Variants in TESK1 observed in about 807,000 individuals in gnomAD.
TESK1 encodes the protein testis associated actin remodelling kinase 1, also known as dual specificity testis-specific protein kinase 1.
In TESK1, 18 loss-of-function variants were observed where a neutral mutation model predicts 59.9. The observed-to-expected ratio is 0.30, with a 90% CI of 0.21 to 0.45. TESK1 has a LOEUF of 0.45. Ranked by LOEUF, TESK1 falls within the 20% of genes least tolerant of loss-of-function variation. The pLI is 1.00. For synonymous variants in TESK1, 341 were observed against 357.4 expected (o/e 0.95, Z 0.52); for missense variants, 748 against 840.9 (o/e 0.89, Z 1.37).
At position 35,609,223 on chromosome 9, in the gene TESK1, T is replaced by C. The variant is rs1433278516; in HGVS notation, c.1362T>C (p.Gly454=). 6.2e-7 allele frequency: 1 copy of C among 1,614,000 alleles called. No homozygotes were observed. Among genetic ancestry groups the C allele is most frequent in the South Asian group, 1.1e-5 (1 of 91,076 alleles). Reference sequence around the variant, plus strand: ...GCCGTATGGAGACAGCACTGCCAGGTCCTGGCCCTCCCGCTGTGGGCCCCT... The same window carrying C: ...GCCGTATGGAGACAGCACTGCCAGGCCCTGGCCCTCCCGCTGTGGGCCCCT... The part of the protein sequence containing the change: ...LPRRMETALP[G]PGPPAVGPSA... Residue 454 remains glycine (G), a synonymous_variant, in exon 10 of 10, where the codon GGT becomes GGC. Coordinates refer to ENST00000336395, the MANE Select transcript of TESK1 (RefSeq NM_006285.3). This position sits in a 1 kb window ranked among gnomAD's most constrained non-coding sequence, Gnocchi z 6.7.
Position 35,608,980 on chromosome 9 carries a change from C to G in TESK1, c.1119C>G (p.Asp373Glu), listed in dbSNP as rs530732591. The G allele has an allele frequency of 6.2e-7, 1 of 1,614,200 alleles. No individual in the cohort carries two copies. Among genetic ancestry groups the G allele is most frequent in the Non-Finnish European group, 8.5e-7 (1 of 1,180,026 alleles). The change falls in exon 10 of 10, where the codon GAC (aspartate) becomes GAG (glutamate). Residue 373 changes from aspartate (D) to glutamate (E), a missense_variant. This residue lies in a region of TESK1 where 447 missense variants were observed against 466.1 expected (regional missense o/e 0.96). Transcript: ENST00000336395. ...PSPESPPNWG[D>E]NLTRVNPFSL... Reference sequence around the variant, plus strand: ...CAGAATCACCCCCCAACTGGGGGGACAATCTGACTCGAGTCAACCCCTTCT... The same window carrying G: ...CAGAATCACCCCCCAACTGGGGGGAGAATCTGACTCGAGTCAACCCCTTCT...
chr9:35,606,915 C>G lies in TESK1; in HGVS notation c.469C>G (p.Leu157Val). The change falls in exon 4 of 10, where the codon CTG (leucine) becomes GTG (valine). Residue 157 changes from leucine to valine, a missense_variant. Physicochemically the swap from Leu to Val is conservative, Grantham distance 32. Transcript: ENST00000336395. Reference sequence around the variant, plus strand: ...CTGGCCGGTCAGGCTCCACCTGGCCCTGGACATTGCCCGAGGCCTGCGGTA... The same window carrying G: ...CTGGCCGGTCAGGCTCCACCTGGCCGTGGACATTGCCCGAGGCCTGCGGTA... ...LSWPVRLHLA[L>V]DIARGLRYLH... The G allele has an allele frequency of 6.2e-7, 1 of 1,613,804 alleles. No individual in the cohort carries two copies. Among genetic ancestry groups the G allele is most frequent in the South Asian group, 1.1e-5 (1 of 91,066 alleles).
At chr9:35,606,170 A>G in intron 2 of TESK1, 65 bp downstream of exon 2, 2 of 1,614,106 alleles carry the variant, frequency 1.2e-6, no homozygotes, top group Non-Finnish European at 1.7e-6. Context: ...CCCGCGGGAA[A>G]AGTGGAACTG....
At position 35,607,491 on chromosome 9, in the gene TESK1, T is replaced by C; in HGVS notation, c.620+82T>C. On this transcript the variant is annotated intron_variant, in intron 5 of 9. Transcript: ENST00000336395. This position sits in a 1 kb window ranked among gnomAD's most constrained non-coding sequence, Gnocchi z 4.5. ...CCCAGAGCCCCAGGGATGTTTCCCTTGGGGAACGGAGGGAGTTCACCTCAT... is the reference window on the plus strand; with the variant it reads ...CCCAGAGCCCCAGGGATGTTTCCCTCGGGGAACGGAGGGAGTTCACCTCAT... 3 of 1,587,558 alleles carry C rather than the reference T, an allele frequency of 1.9e-6. No individual in the cohort carries two copies. The highest frequency in any genetic ancestry group is 2.2e-5 in the East Asian group (1 of 44,702).
rs1181955199 is a variant in TESK1 at position 35,605,501 on chromosome 9, G to A, written c.-119G>A. On this transcript the variant is annotated 5_prime_UTR_variant, in exon 1 of 10. Transcript: ENST00000336395. Reference sequence around the variant, plus strand: ...TCTTCGGCGGATCTTCCATTCTCAGGGCGGGAGCCGGAGTCCGGGCGCCCG... The same window carrying A: ...TCTTCGGCGGATCTTCCATTCTCAGAGCGGGAGCCGGAGTCCGGGCGCCCG... The A allele has an allele frequency of 3.9e-6, 1 of 253,312 alleles. No individual in the cohort carries two copies. The highest frequency in any genetic ancestry group is 7.3e-6 in the Non-Finnish European group (1 of 137,420). 15.7% of individuals were successfully genotyped at this position (253,312 alleles called of 1,614,324 possible). A position where few individuals can be genotyped will look rare whatever the true frequency, so the allele number is the denominator to read the frequency against.
rs1197274704 is a variant in TESK1, at chr9:35,609,197, C to T, written c.1336C>T (p.Arg446Cys). The T allele has an allele frequency of 4.3e-6, 7 of 1,613,926 alleles. No individual in the cohort carries two copies. The highest frequency in any genetic ancestry group is 1.3e-5 in the African/African-American group (1 of 75,052). ...ACTACCCTCATCCCCCGAGCTCCCC[C>T]GCCGTATGGAGACAGCACTGCCAGG... is the stretch of plus-strand genomic sequence containing the variant. ...RSLPSSPELP[R>C]RMETALPGPG... The change falls in exon 10 of 10, where the codon CGC becomes TGC. Residue 446 changes from arginine (R) to cysteine (C), a missense_variant. Transcript: ENST00000336395. The surrounding 1 kb of genome is among the most constrained non-coding windows in gnomAD (Gnocchi z 6.7).
chr9:35,605,790 T>C lies in TESK1; in HGVS notation c.171T>C (p.Phe57=). 1.9e-6 allele frequency: 3 copies of C among 1,611,498 alleles called. No homozygotes were observed. Among genetic ancestry groups the C allele is most frequent in the Non-Finnish European group, 2.5e-6 (3 of 1,179,426 alleles). The change falls in exon 1 of 10, where the codon TTT becomes TTC. Residue 57 remains phenylalanine (F), a synonymous_variant. Coordinates refer to ENST00000336395, the MANE Select transcript of TESK1 (RefSeq NM_006285.3). ...CTAGCCTGGCGCGTGTGGACGATTTTCACTGCGCGGAGAAGATCGGGGCCG... is the reference window on the plus strand; with the variant it reads ...CTAGCCTGGCGCGTGTGGACGATTTCCACTGCGCGGAGAAGATCGGGGCCG... The part of the protein sequence containing the change: ...AVSSLARVDD[F]HCAEKIGAGF...
In TESK1 at chr9:35,607,386, G is replaced by A. The variant is rs1475200152; in HGVS notation, c.597G>A (p.Leu199=). The change falls in exon 5 of 10, where the codon CTG becomes CTA. Residue 199 remains leucine (L), a synonymous_variant. Transcript: ENST00000336395. This position sits in a 1 kb window ranked among gnomAD's most constrained non-coding sequence, Gnocchi z 4.5. The part of the protein sequence containing the change: ...GFTAVVGDFG[L]AEKIPVYREG... ...CCGCTGTCGTGGGTGACTTCGGGCT[G>A]GCCGAAAAGATTCCTGTGTATAGGT... 6.2e-7 allele frequency: 1 copy of A among 1,614,028 alleles called. No individual in the cohort carries two copies. The highest frequency in any genetic ancestry group is 8.5e-7 in the Non-Finnish European group (1 of 1,180,032).
rs1003682762 is a variant in TESK1, at chr9:35,608,237, C to A, written c.873C>A (p.Ile291=). 2 of 1,614,058 alleles carry A rather than the reference C, an allele frequency of 1.2e-6. No individual in the cohort carries two copies. Among genetic ancestry groups the A allele is most frequent in the Non-Finnish European group, 1.7e-6 (2 of 1,180,032 alleles). The change falls in exon 8 of 10, where the codon ATC becomes ATA. Residue 291 remains isoleucine (I), a synonymous_variant. Coordinates refer to ENST00000336395, the MANE Select transcript of TESK1 (RefSeq NM_006285.3). ...DCPLPFLLLA[I]HCCNLEPSTR... ...CACTGCCTTTCTTGCTCCTGGCCATCCACTGCTGCAACGTAAGAGCCTCAC... is the reference window on the plus strand; with the variant it reads ...CACTGCCTTTCTTGCTCCTGGCCATACACTGCTGCAACGTAAGAGCCTCAC...
At position 35,608,506 on chromosome 9, in the gene TESK1, C is replaced by G; in HGVS notation, c.997C>G (p.Gln333Glu). The G allele has an allele frequency of 6.2e-7, 1 of 1,613,822 alleles. No individual in the cohort carries two copies. Residue 333 changes from glutamine (Q) to glutamate (E), a missense_variant, in exon 9 of 10, where the codon CAG (glutamine) becomes GAG (glutamate). Transcript: ENST00000336395. ...PLTRTALTHN[Q>E]GSVARGGPSA... ...CACCAGGACCGCCCTGACACACAAT[C>G]AGGGTAAGGGAGCCTGACCTTGATC...
chr9:35,608,414 C>T lies in TESK1; in HGVS notation c.905C>T (p.Ala302Val). ...CATCAGCTGGAACCCAGCACCCGTG[C>T]CCCCTTCACCGAAATTACCCAGCAC... Reference protein sequence around the residue: ...HCCNLEPSTRAPFTEITQHLE... With the variant: ...HCCNLEPSTRVPFTEITQHLE... The change falls in exon 9 of 10, where the codon GCC (alanine) becomes GTC (valine). Residue 302 changes from alanine to valine, a missense_variant. By Grantham distance (64) the Ala-to-Val change is moderately conservative (BLOSUM62 0). Coordinates refer to ENST00000336395, the MANE Select transcript of TESK1 (RefSeq NM_006285.3). The T allele has an allele frequency of 1.9e-6, 3 of 1,614,110 alleles. No homozygotes were observed. The highest frequency in any genetic ancestry group is 1.1e-5 in the South Asian group (1 of 91,066).
chr9:35,608,682 G>A (rs1006871732), intron 9 of TESK1, among the ~76,000 whole-genome samples, 173 bp downstream of exon 9: 10 of 152,160 alleles, frequency 6.6e-5, no homozygotes, highest in Non-Finnish European at 1.5e-4. Flanking sequence ...GCTAAAGCTT[G>A]AGGGAGAGGA....
intron 3 of TESK1, among the ~76,000 whole-genome samples, chr9:35,606,497 TA>T (rs1286345458): frequency 6.6e-6 from 1 of 152,190 alleles, no homozygotes; most frequent in East Asian, 1.9e-4. Flanking sequence ...TGCTGTCCAA[TA>T]GAATTTTCTT....
At position 35,608,851 on chromosome 9, in the gene TESK1, T is replaced by C. The variant is rs756370004; in HGVS notation, c.1001-11T>C. On this transcript the variant is annotated splice_polypyrimidine_tract_variant and intron_variant, in intron 9 of 9. Coordinates refer to ENST00000336395, the MANE Select transcript of TESK1 (RefSeq NM_006285.3). ...GCTGAGGACAGTGATTCCAGACTTC[T>C]CTATCTACAGGCTCTGTTGCAAGAG... 1 of 1,563,070 alleles carries C rather than the reference T, an allele frequency of 6.4e-7. No homozygotes were observed. The highest frequency in any genetic ancestry group is 8.7e-7 in the Non-Finnish European group (1 of 1,154,534).
Position 35,608,979 on chromosome 9 carries a change from A to G in TESK1, c.1118A>G (p.Asp373Gly). ...CCAGAATCACCCCCCAACTGGGGGG[A>G]CAATCTGACTCGAGTCAACCCCTTC... Reference protein sequence around the residue: ...PSPESPPNWGDNLTRVNPFSL... With the variant: ...PSPESPPNWGGNLTRVNPFSL... The change falls in exon 10 of 10, where the codon GAC becomes GGC. Residue 373 changes from aspartate to glycine, a missense_variant. Asp to Gly is a moderately conservative substitution (Grantham distance 94, BLOSUM62 -1). Transcript: ENST00000336395. The G allele has an allele frequency of 6.2e-7, 1 of 1,613,900 alleles. No individual in the cohort carries two copies. Among genetic ancestry groups the G allele is most frequent in the Non-Finnish European group, 8.5e-7 (1 of 1,179,978 alleles).
At position 35,609,860 on chromosome 9, in the gene TESK1, T is replaced by A; in HGVS notation, c.*118T>A. The A allele has an allele frequency of 2.4e-6, 3 of 1,235,688 alleles. No homozygotes were observed. Among genetic ancestry groups the A allele is most frequent in the Non-Finnish European group, 3.3e-6 (3 of 919,326 alleles). 76.5% of individuals were successfully genotyped at this position (1,235,688 alleles called of 1,614,324 possible). A position where few individuals can be genotyped will look rare whatever the true frequency, so the allele number is the denominator to read the frequency against. ...GGGCTGACCGGCTCTTCTCCCCGTGTAGGGGAGCCCCAGCATGGACTCAAG... is the reference window on the plus strand; with the variant it reads ...GGGCTGACCGGCTCTTCTCCCCGTGAAGGGGAGCCCCAGCATGGACTCAAG... On this transcript the variant is annotated 3_prime_UTR_variant, in exon 10 of 10. Transcript: ENST00000336395. The surrounding 1 kb of genome is among the most constrained non-coding windows in gnomAD (Gnocchi z 6.7).
chr9:35,608,928 G>A lies in TESK1; in HGVS notation c.1067G>A (p.Arg356Gln), dbSNP rs767642668. The A allele has an allele frequency of 5.6e-6, 9 of 1,613,856 alleles. No individual in the cohort carries two copies. The highest frequency in any genetic ancestry group is 3.3e-5 in the Admixed American group (2 of 60,014). ...PRPDPRLSRS[R>Q]SDLFLPPSPE... ...CCAGATCCCCGGCTTTCCCGAAGCC[G>A]GTCAGACCTCTTCCTGCCCCCATCA... is the stretch of plus-strand genomic sequence containing the variant. Residue 356 changes from arginine (R) to glutamine (Q), a missense_variant, in exon 10 of 10, where the codon CGG becomes CAG. Physicochemically the swap from Arg to Gln is conservative, Grantham distance 43. Coordinates refer to ENST00000336395, the MANE Select transcript of TESK1 (RefSeq NM_006285.3).
chr9:35,607,374 T>C lies in TESK1; in HGVS notation c.585T>C (p.Gly195=). The C allele has an allele frequency of 6.2e-7, 1 of 1,614,142 alleles. No individual in the cohort carries two copies. The highest frequency in any genetic ancestry group is 1.1e-5 in the South Asian group (1 of 91,080). The change falls in exon 5 of 10, where the codon GGT becomes GGC. Residue 195 remains glycine (G), a synonymous_variant. Transcript: ENST00000336395. This position sits in a 1 kb window ranked among gnomAD's most constrained non-coding sequence, Gnocchi z 4.5. Reference sequence around the variant, plus strand: ...ATCGAGGCTTCACCGCTGTCGTGGGTGACTTCGGGCTGGCCGAAAAGATTC... The same window carrying C: ...ATCGAGGCTTCACCGCTGTCGTGGGCGACTTCGGGCTGGCCGAAAAGATTC... The part of the protein sequence containing the change: ...REDRGFTAVV[G]DFGLAEKIPV...
In TESK1 at chr9:35,605,566, C is replaced by A; in HGVS notation, c.-54C>A. 1 of 556,196 alleles carries A rather than the reference C, an allele frequency of 1.8e-6. No homozygotes were observed. Among genetic ancestry groups the A allele is most frequent in the Non-Finnish European group, 2.5e-6 (1 of 392,484 alleles). 34.5% of individuals were successfully genotyped at this position (556,196 alleles called of 1,614,324 possible). On this transcript the variant is annotated 5_prime_UTR_variant, in exon 1 of 10. It introduces an in-frame stop codon into an upstream open reading frame of the 5' UTR. Transcript: ENST00000336395. ...CCGCGCCCATGGCAAGCGCGGCCTG[C>A]CCGGGCCCTGGGGACCCTGCCATGT... is the stretch of plus-strand genomic sequence containing the variant.
Sources: allele counts gnomAD v4.1 joint callset (sites outside exome capture counted in the v4.1 genomes callset), GRCh38; gene constraint gnomAD v4.1.1; regional missense constraint gnomAD v4.1.1; non-coding constraint Gnocchi (gnomAD v3.1); transcripts MANE v1.5; gene names NCBI Gene and HGNC (gene_info 2026-07-23, HGNC 2026-07-21).